Variants in SMARCA2 observed in about 807,000 individuals in gnomAD.
SMARCA2 encodes the protein SWI/SNF related BAF chromatin remodeling complex subunit ATPase 2.
SMARCA2 carries 61 observed loss-of-function variants against 199.8 expected under a neutral mutation model. The observed-to-expected ratio is 0.31, with a 90% CI of 0.25 to 0.38. The LOEUF (loss-of-function observed/expected upper bound fraction) is 0.38, where lower values mean the gene tolerates loss of function less well. Ranked by LOEUF, SMARCA2 falls within the 10% of genes least tolerant of loss-of-function variation. The probability of loss-of-function intolerance (pLI) is 1.00; values close to 1 mark genes in which losing one functional copy is unlikely to be tolerated. For synonymous variants in SMARCA2, 935 were observed against 732.0 expected, an observed-to-expected ratio of 1.28 and a Z score of -4.48; for missense variants, 1,344 against 2,012.2, an observed-to-expected ratio of 0.67 and a Z score of 6.35.
intron 28 of SMARCA2, among the ~76,000 whole-genome samples, chr9:2,168,752 A>G (rs971908101): frequency 2.0e-5 from 3 of 152,154 alleles, no homozygotes; most frequent in Non-Finnish European, 4.4e-5. Context: ...TAGGGTTTTA[A>G]AAATTTGTAT....
At position 2,169,210 on chromosome 9, in the gene SMARCA2, G is replaced by A. The variant is rs1191797514; in HGVS notation, c.4200-1209G>A. 6.6e-6 allele frequency among the ~76,000 whole-genome samples: 1 copy of A among 152,142 alleles called. No individual in the cohort carries two copies. The highest frequency in any genetic ancestry group is 6.5e-5 in the Admixed American group (1 of 15,282). On this transcript the variant is annotated intron_variant, in intron 28 of 33. Transcript: ENST00000349721. This position sits in a 1 kb window ranked among gnomAD's most constrained non-coding sequence, Gnocchi z 6.5. Reference sequence around the variant, plus strand: ...TCTTCCTGAGGCCCTTGCACTGCTGGCCTGGCCTGGCAAGCTGCAGGGTGG... The same window carrying A: ...TCTTCCTGAGGCCCTTGCACTGCTGACCTGGCCTGGCAAGCTGCAGGGTGG...
Position 2,056,339 on chromosome 9 carries a change from G to C in SMARCA2, c.1174-333G>C, listed in dbSNP as rs1318811155. On this transcript the variant is annotated intron_variant, in intron 6 of 33. Coordinates refer to ENST00000349721, the MANE Select transcript of SMARCA2 (RefSeq NM_003070.5). This position sits in a 1 kb window ranked among gnomAD's most constrained non-coding sequence, Gnocchi z 4.0. ...TAAAACAAAGCGGAAAATTTAAAAA[G>C]CTTATTTAGCTAATTGGTATCATTA... Among the ~76,000 whole-genome samples, 1 of 152,080 alleles carries C rather than the reference G, an allele frequency of 6.6e-6. No homozygotes were observed. Among genetic ancestry groups the C allele is most frequent in the Non-Finnish European group, 1.5e-5 (1 of 68,000 alleles).
Position 2,115,895 on chromosome 9 carries a change from T to G in SMARCA2, c.3530T>G (p.Val1177Gly). The stretch of plus-strand genomic sequence containing the variant: ...GTCCGGGTACTGAGGCTCTGTACCG[T>G]GAACAGCGTGGAGGAAAAGATCCTC... The part of the protein sequence containing the change: ...NEVRVLRLCT[V>G]NSVEEKILAA... Residue 1177 changes from valine (V) to glycine (G), a missense_variant, in exon 25 of 34, where the codon GTG (valine) becomes GGG (glycine). Physicochemically the swap from Val to Gly is moderately radical, Grantham distance 109 (BLOSUM62 -3). Around this residue, in one of 18 missense-constraint regions of SMARCA2, gnomAD observed 36 missense variants for 172.5 expected, o/e 0.21. Coordinates refer to ENST00000349721, the MANE Select transcript of SMARCA2 (RefSeq NM_003070.5). The surrounding 1 kb of genome is among the most constrained non-coding windows in gnomAD (Gnocchi z 6.0). 6.2e-7 allele frequency: 1 copy of G among 1,613,944 alleles called. No individual in the cohort carries two copies. The highest frequency in any genetic ancestry group is 8.5e-7 in the Non-Finnish European group (1 of 1,179,990).
intron 4 of SMARCA2, chr9:2,043,903 T>C (rs1002721643): frequency 6.6e-6 from 1 of 152,240 alleles, no homozygotes; most frequent in African/African-American, 2.4e-5. Context: ...GGAAAGCAGA[T>C]GGCATTTTGT....
chr9:2,171,380 T>C (rs941179959), intron 29 of SMARCA2, among the ~76,000 whole-genome samples: 11 of 152,214 alleles, frequency 7.2e-5, no homozygotes, highest in Admixed American at 5.9e-4. Context: ...TGAGGATGTA[T>C]CGTGTATTTC....
rs540068916 is a variant in SMARCA2, at chr9:2,175,116, C to T, written c.4253+4644C>T. The stretch of plus-strand genomic sequence containing the variant: ...TAGAAATGGCCGGCTGAGGAAGCTG[C>T]GGGTCATCCGGTGTCTGTCTGTCAT... On this transcript the variant is annotated intron_variant, in intron 29 of 33. Coordinates refer to ENST00000349721, the MANE Select transcript of SMARCA2 (RefSeq NM_003070.5). Among the ~76,000 whole-genome samples, 4 of 151,778 alleles carry T rather than the reference C, an allele frequency of 2.6e-5. 1 individual carries two copies. In the South Asian group the frequency reaches 6.3e-4, roughly 24 times the overall value.
intron 19 of SMARCA2, among the ~76,000 whole-genome samples, chr9:2,095,295 A>G (rs553468288): frequency 1.2e-4 from 19 of 152,214 alleles, no homozygotes; most frequent in Admixed American, 5.9e-4. Context: ...TATGTTGGTC[A>G]GGCTGGTCTG....
chr9:2,188,872 T>C (rs1827679512), intron 32 of SMARCA2, among the ~76,000 whole-genome samples: 2 of 152,212 alleles, frequency 1.3e-5, no homozygotes, highest in Admixed American at 1.3e-4. Flanking sequence ...GTTCCCACTT[T>C]CTTGCTGGCT....
chr9:2,036,954 C>T (rs1387588944), intron 3 of SMARCA2, among the ~76,000 whole-genome samples: 6 of 152,106 alleles, frequency 3.9e-5, no homozygotes, highest in African/African-American at 1.4e-4. Context: ...TATGATTTGC[C>T]ATGAGTGAGA....
intron 31 of SMARCA2, among the ~76,000 whole-genome samples, chr9:2,185,744 A>G (rs1041627224): frequency 1.3e-5 from 2 of 152,212 alleles, no homozygotes; most frequent in East Asian, 3.8e-4. Flanking sequence ...TTTAAAGAAG[A>G]TTGCTTTACC....
intron 27 of SMARCA2, among the ~76,000 whole-genome samples, chr9:2,152,120 G>A (rs1714608313): frequency 6.6e-6 from 1 of 152,192 alleles, no homozygotes; most frequent in Non-Finnish European, 1.5e-5. Context: ...TAAATAGTCT[G>A]ATGACACCAC....
At chr9:2,147,936 T>C (rs970468746) in intron 27 of SMARCA2, among the ~76,000 whole-genome samples, 7 of 151,394 alleles carry the variant, frequency 4.6e-5, no homozygotes, top group African/African-American at 1.7e-4. Context: ...TGGCCTTGAG[T>C]GATTCTTGCA....
At chr9:2,071,791 A>G (rs963057452) in intron 10 of SMARCA2, among the ~76,000 whole-genome samples, 1 of 152,242 alleles carries the variant, frequency 6.6e-6, no homozygotes, top group African/African-American at 2.4e-5. Context: ...TGATAACAGA[A>G]TATGATTTTT....
At chr9:2,025,731 A>C (rs931202490) in intron 1 of SMARCA2, among the ~76,000 whole-genome samples, 4 of 152,194 alleles carry the variant, frequency 2.6e-5, no homozygotes, top group Non-Finnish European at 5.9e-5. Context: ...ACCTCTTTCT[A>C]ATTTATTTCC....
intron 27 of SMARCA2, among the ~76,000 whole-genome samples, chr9:2,152,916 A>G (rs1825151288): frequency 6.6e-6 from 1 of 152,184 alleles, no homozygotes; most frequent in African/African-American, 2.4e-5. Flanking sequence ...AAGATGTAGG[A>G]TCACAAAGTG....
chr9:2,159,236 G>T (rs1423387628), intron 27 of SMARCA2, among the ~76,000 whole-genome samples: 1 of 152,156 alleles, frequency 6.6e-6, no homozygotes, highest in African/African-American at 2.4e-5. Context: ...ATTTATCTCA[G>T]TGAGAAGAAA....
At chr9:2,041,180 A>T (rs1359194928) in intron 4 of SMARCA2, 1 of 395,888 alleles carries the variant, frequency 2.5e-6, no homozygotes, top group African/African-American at 2.1e-5. Flanking sequence ...ATTTTCTGGT[A>T]GAGGCAGCTC....
intron 27 of SMARCA2, among the ~76,000 whole-genome samples, chr9:2,151,042 A>G (rs776937344): frequency 8.6e-5 from 13 of 151,624 alleles, no homozygotes; most frequent in Non-Finnish European, 1.3e-4. Flanking sequence ...AGTTCAGCCC[A>G]TAACACTATA....
At chr9:2,070,291 A>T in intron 9 of SMARCA2, 127 bp from the exon 10 acceptor site, 1 of 767,614 alleles carries the variant, frequency 1.3e-6, no homozygotes, top group Non-Finnish European at 2.3e-6. Context: ...AAAAGGCATT[A>T]ACACTTAAGC....
Sources: gnomAD v4.1 joint callset for allele counts (sites outside exome capture counted in the v4.1 genomes callset) on GRCh38, gnomAD v4.1.1 for gene constraint, gnomAD v4.1.1 regional missense constraint, Gnocchi (gnomAD v3.1) non-coding constraint, MANE v1.5 for transcripts, NCBI Gene and HGNC (gene_info 2026-07-23, HGNC 2026-07-21) for gene names.